The following OPHN1 variants were observed in gnomAD, a reference collection of about 807,000 sequenced individuals.
OPHN1 encodes the protein oligophrenin 1, also known as oligophrenin-1.
Under a neutral mutation model 60.7 loss-of-function variants are expected in OPHN1, and 11 were observed. The ratio of observed to expected loss-of-function variants is 0.18; its 90% CI spans 0.11 to 0.30. The LOEUF (loss-of-function observed/expected upper bound fraction) is 0.30. Ranked by LOEUF, OPHN1 falls within the 10% of genes least tolerant of loss-of-function variation. The pLI is 1.00. For synonymous variants in OPHN1, 226 were observed against 222.6 expected, an observed-to-expected ratio of 1.02 and a Z score of -0.14; for missense variants, 449 against 611.0, an observed-to-expected ratio of 0.73 and a Z score of 2.80.
chrX:68,135,598 C>T (rs2077216150), intron 15 of OPHN1, among the ~76,000 whole-genome samples: 2 of 112,082 alleles, frequency 1.8e-5, no homozygotes, highest in Non-Finnish European at 3.8e-5. Context: ...AAGAGCGTAA[C>T]TGGGACAGCA....
chrX:68,279,101 CTTTTTTTTTTTTT>C (rs984725368), intron 4 of OPHN1, among the ~76,000 whole-genome samples: 151 of 21,776 alleles, frequency 6.9e-3, no homozygotes, highest in Non-Finnish European at 9.2e-3. Context: ...CTCCCCCGCT[CTTTTTTTTTTTTT>C]TTTTTTTTTT....
Position 68,315,528 on chromosome X carries a change from T to G in OPHN1, c.155-16432A>C, listed in dbSNP as rs989650621. Among the ~76,000 whole-genome samples the G allele has an allele frequency of 7.2e-5, 8 of 111,664 alleles. No homozygotes were observed. The Admixed American group carries it at 7.7e-4, about 11-fold the overall frequency. ...TATTAAAGTCTAGAAGCTTTACCAC[T>G]TCTATTCAACACAGTATTGGAAGTT... On this transcript the variant is annotated intron_variant, in intron 2 of 24. Transcript: ENST00000355520.
chrX:68,353,408 GAAA>G (rs766331200), intron 2 of OPHN1, among the ~76,000 whole-genome samples: 2 of 48,157 alleles, frequency 4.2e-5, no homozygotes, highest in Admixed American at 2.9e-4. Context: ...GTCTCTACAG[GAAA>G]AAAAAAAAAA....
At chrX:68,322,295 T>C (rs771290952) in intron 2 of OPHN1, among the ~76,000 whole-genome samples, 1 of 111,498 alleles carries the variant, frequency 9.0e-6, no homozygotes, top group East Asian at 2.8e-4. Context: ...AAAACACTTA[T>C]CATACAACCC....
intron 15 of OPHN1, among the ~76,000 whole-genome samples, chrX:68,162,618 C>T (rs2147404748): frequency 9.1e-6 from 1 of 110,028 alleles, no homozygotes; most frequent in Non-Finnish European, 1.9e-5. Context: ...CTTAAATTGC[C>T]AAGAACCTTA....
chrX:68,400,799 G>A (rs1845833148), intron 2 of OPHN1, among the ~76,000 whole-genome samples: 1 of 109,195 alleles, frequency 9.2e-6, no homozygotes, highest in Non-Finnish European at 1.9e-5. Flanking sequence ...ACAGGGTTTC[G>A]CCATGTTGGC....
chrX:68,209,913 T>C (rs765958105), intron 9 of OPHN1: 3 of 395,725 alleles, frequency 7.6e-6, no homozygotes, highest in Admixed American at 4.1e-5. Context: ...AATACCCATT[T>C]TGAATCTCAG....
chrX:68,312,239 C>T (rs1193135893), intron 2 of OPHN1, among the ~76,000 whole-genome samples: 1 of 101,449 alleles, frequency 9.9e-6, no homozygotes, highest in African/African-American at 3.6e-5. Context: ...GCATGTACCA[C>T]TAGGCTCGGC....
At chrX:68,304,710 G>A (rs12395296) in intron 2 of OPHN1, among the ~76,000 whole-genome samples, 1 of 110,738 alleles carries the variant, frequency 9.0e-6, no homozygotes, top group Non-Finnish European at 1.9e-5. Context: ...ATTAAGGTAT[G>A]CTAATCAAAG....
intron 6 of OPHN1, among the ~76,000 whole-genome samples, chrX:68,228,779 T>C (rs2077711241): frequency 1.8e-5 from 2 of 111,117 alleles, no homozygotes; most frequent in African/African-American, 3.3e-5. Context: ...ATAAGAGCTA[T>C]TTATGGCAAA....
chrX:68,267,861 G>A (rs374650369), intron 5 of OPHN1, among the ~76,000 whole-genome samples: 271 of 111,546 alleles, frequency 2.4e-3, no homozygotes, highest in Middle Eastern at 4.6e-3. Context: ...TATCACCACC[G>A]ATCCCACAGA....
intron 19 of OPHN1, among the ~76,000 whole-genome samples, chrX:68,084,444 A>C: frequency 9.5e-6 from 1 of 105,271 alleles, no homozygotes. Flanking sequence ...GTGGTAGAGA[A>C]AGGGAGGGAG....
chrX:68,229,291 T>C (rs1047404902), intron 6 of OPHN1, among the ~76,000 whole-genome samples: 3 of 111,981 alleles, frequency 2.7e-5, no homozygotes, highest in Non-Finnish European at 3.8e-5. Flanking sequence ...GTACATTCCA[T>C]GCACATGGAT....
At chrX:68,192,080 A>G (rs1488427488) in intron 15 of OPHN1, among the ~76,000 whole-genome samples, 2 of 111,986 alleles carry the variant, frequency 1.8e-5, no homozygotes. Flanking sequence ...ATCAATCAAT[A>G]GAAAAACATA....
At chrX:68,080,883 A>G (rs777973324) in intron 19 of OPHN1, among the ~76,000 whole-genome samples, 2 of 112,332 alleles carry the variant, frequency 1.8e-5, no homozygotes, top group African/African-American at 6.5e-5. Flanking sequence ...CAGGACTCAC[A>G]TCATGCATTA....
At chrX:68,221,944 A>G (rs1410322523) in intron 6 of OPHN1, among the ~76,000 whole-genome samples, 1 of 104,693 alleles carries the variant, frequency 9.6e-6, no homozygotes, top group Non-Finnish European at 2.0e-5. Flanking sequence ...TAATTAAACT[A>G]AAGAGCTTCT....
intron 2 of OPHN1, among the ~76,000 whole-genome samples, chrX:68,360,126 A>G (rs910140153): frequency 9.0e-6 from 1 of 111,145 alleles, no homozygotes; most frequent in Non-Finnish European, 1.9e-5. Context: ...ATAGTTGGGT[A>G]GCACTACGTA....
At chrX:68,207,593 T>C (rs897500124) in intron 9 of OPHN1, among the ~76,000 whole-genome samples, 4 of 111,492 alleles carry the variant, frequency 3.6e-5, no homozygotes, top group Non-Finnish European at 7.5e-5. Context: ...CCTAGATTAT[T>C]TTTAAAATAT....
chrX:68,146,033 T>C (rs2077262424), intron 15 of OPHN1, among the ~76,000 whole-genome samples: 1 of 112,377 alleles, frequency 8.9e-6, no homozygotes, highest in South Asian at 3.6e-4. Context: ...ATTTACTAAC[T>C]GACCCTTTAC....
Sources: allele counts gnomAD v4.1 joint callset (sites outside exome capture counted in the v4.1 genomes callset), GRCh38; gene constraint gnomAD v4.1.1; transcripts MANE v1.5; gene names NCBI Gene and HGNC (gene_info 2026-07-23, HGNC 2026-07-21).